The following SMPD4 variants were observed in gnomAD, a reference collection of about 807,000 sequenced individuals.
SMPD4 encodes neutral sphingomyelinase 3.
In SMPD4, 58 loss-of-function variants were observed where a neutral mutation model predicts 97.8. That is an observed-to-expected ratio of 0.59 (90% CI 0.48 to 0.74). The LOEUF (loss-of-function observed/expected upper bound fraction) is 0.74. Among genes scored for constraint, SMPD4 ranks in the 30% least tolerant of loss-of-function variants. SMPD4 has a pLI of 0.00. For synonymous variants in SMPD4, 388 were observed against 450.0 expected (o/e 0.86, Z 1.74); for missense variants, 853 against 1,080.5 (o/e 0.79, Z 2.95).
rs372168903 is a variant in SMPD4 at position 130,153,915 on chromosome 2, G to A, written c.1680C>T (p.Leu560=). ...TGGCTGTGTGTTTGGCCTGTGTGATGAGCTGAGCGAGGCGCAGGACCTGCA... is the reference window on the plus strand; with the variant it reads ...TGGCTGTGTGTTTGGCCTGTGTGATAAGCTGAGCGAGGCGCAGGACCTGCA... The part of the protein sequence containing the change: ...ARTLVLRLAQ[L]ITQAKHTAKS... The change falls in exon 17 of 20, where the codon CTC becomes CTT. Residue 560 remains leucine (L), a synonymous_variant. Coordinates refer to ENST00000680298, the MANE Select transcript of SMPD4 (RefSeq NM_017951.5). The A allele has an allele frequency of 6.2e-6, 10 of 1,613,590 alleles. No homozygotes were observed. The African/African-American group carries it at 9.3e-5, about 15-fold the overall frequency.
At chr2:130,167,675 A>T in intron 8 of SMPD4, 85 bp from the exon 9 acceptor site, 1 of 1,444,468 alleles carries the variant, frequency 6.9e-7, no homozygotes, top group Non-Finnish European at 9.4e-7. Context: ...TGGATATCAA[A>T]ATCAACGAGA....
chr2:130,173,234 G>A (rs759423710), intron 5 of SMPD4, 45 bp downstream of exon 5: 1 of 1,566,896 alleles, frequency 6.4e-7, no homozygotes, highest in Admixed American at 1.7e-5. Flanking sequence ...GGCTGTGCAA[G>A]GCCCACTGCC....
At chr2:130,156,256 C>G in intron 13 of SMPD4, 121 bp from the exon 14 acceptor site, 1 of 852,056 alleles carries the variant, frequency 1.2e-6, no homozygotes, top group Admixed American at 2.4e-5. Context: ...CCAGAGGGCG[C>G]AGGAGAGACA....
chr2:130,165,426 C>CA (rs113282615), intron 9 of SMPD4, among the ~76,000 whole-genome samples: 64,984 of 138,364 alleles, frequency 0.47, 15,107 homozygotes, highest in African/African-American at 0.61. Flanking sequence ...AACTCGGTCT[C>CA]AAAAAAAAAA....
At position 130,153,143 on chromosome 2, in the gene SMPD4, A is replaced by G. The variant is rs1365429728; in HGVS notation, c.2054T>C (p.Ile685Thr). The change falls in exon 19 of 20, where the codon ATT (isoleucine) becomes ACT (threonine). Residue 685 changes from isoleucine (I) to threonine (T), a missense_variant. Transcript: ENST00000680298. ...QIINGLRRFE[I>T]EYQGDPELQP... ...CAGCTCCGGGTCCCCCTGGTACTCAATTTCAAACCTTCGCAGCCCATTGAT... is the reference window on the plus strand; with the variant it reads ...CAGCTCCGGGTCCCCCTGGTACTCAGTTTCAAACCTTCGCAGCCCATTGAT... 4 of 1,613,694 alleles carry G rather than the reference A, an allele frequency of 2.5e-6. No individual in the cohort carries two copies. Among genetic ancestry groups the G allele is most frequent in the Non-Finnish European group, 2.5e-6 (3 of 1,180,000 alleles).
intron 2 of SMPD4, among the ~76,000 whole-genome samples, chr2:130,176,153 A>G (rs891366388): frequency 6.6e-6 from 1 of 152,202 alleles, no homozygotes; most frequent in Non-Finnish European, 1.5e-5. Context: ...TTAAAGTGCA[A>G]CCTAGCAGGC....
intron 11 of SMPD4, chr2:130,157,710 C>T (rs1686958955): frequency 2.4e-6 from 1 of 413,282 alleles, no homozygotes; most frequent in African/African-American, 2.0e-5. Flanking sequence ...TTCTGCACGG[C>T]TGCAAATCCG....
chr2:130,181,753 C>T (rs1171668533), upstream of SMPD4: 1 of 1,548,322 alleles, frequency 6.5e-7, no homozygotes. Context: ...GGGAGTGGTC[C>T]TTAGCTGAAT....
intron 1 of SMPD4, among the ~76,000 whole-genome samples, chr2:130,177,805 T>C (rs1395488234): frequency 1.3e-5 from 2 of 152,192 alleles, no homozygotes; most frequent in African/African-American, 4.8e-5. Flanking sequence ...ACAGCATTTG[T>C]TATATACCAG....
chr2:130,179,898 C>T (rs1297438652), intron 1 of SMPD4, among the ~76,000 whole-genome samples: 2 of 152,094 alleles, frequency 1.3e-5, no homozygotes, highest in East Asian at 3.9e-4. Context: ...CGTGATCAGC[C>T]CTCCTCGGCC....
chr2:130,162,849 A>C (rs978193364), intron 10 of SMPD4, among the ~76,000 whole-genome samples: 1 of 152,214 alleles, frequency 6.6e-6, no homozygotes, highest in Non-Finnish European at 1.5e-5. Flanking sequence ...AGAGTGGAGC[A>C]TCTCTGGGTA....
rs1429523834 is a variant in SMPD4 at position 130,161,177 on chromosome 2, A to C, written c.951+9T>G. 1 of 1,612,286 alleles carries C rather than the reference A, an allele frequency of 6.2e-7. No homozygotes were observed. ...CTGGGCAGGAGGAAGGGAACGAATG[A>C]GCCAGTACTTGGTAGGCGTGGAGGG... On this transcript the variant is annotated intron_variant, in intron 11 of 19. Coordinates refer to ENST00000680298, the MANE Select transcript of SMPD4 (RefSeq NM_017951.5).
At chr2:130,155,675 G>A (rs1020217635) in intron 14 of SMPD4, among the ~76,000 whole-genome samples, 2 of 151,946 alleles carry the variant, frequency 1.3e-5, no homozygotes, top group Non-Finnish European at 2.9e-5. Context: ...CAGGGGATGA[G>A]GGGAAGACAG....
intron 1 of SMPD4, among the ~76,000 whole-genome samples, chr2:130,178,337 A>G (rs536116798): frequency 6.6e-6 from 1 of 152,254 alleles, no homozygotes; most frequent in South Asian, 2.1e-4. Context: ...TAATTCACTT[A>G]CCCCCACCCA....
At chr2:130,168,667 T>C (rs1293863245) in intron 8 of SMPD4, among the ~76,000 whole-genome samples, 1 of 151,968 alleles carries the variant, frequency 6.6e-6, no homozygotes, top group African/African-American at 2.4e-5. Flanking sequence ...GGCTGATGTT[T>C]TTCTTTTTAG....
chr2:130,176,543 T>G lies in SMPD4; in HGVS notation c.39+11A>C. ...GCCACACTGACACTCATGCAAGCAG[T>G]TGATATTTACCAGTAGAAAGCTGGG... On this transcript the variant is annotated intron_variant, in intron 2 of 19. Coordinates refer to ENST00000680298, the MANE Select transcript of SMPD4 (RefSeq NM_017951.5). The G allele has an allele frequency of 6.2e-7, 1 of 1,605,228 alleles. No homozygotes were observed. The highest frequency in any genetic ancestry group is 8.5e-7 in the Non-Finnish European group (1 of 1,175,144).
At chr2:130,181,731 G>T (rs533911400), upstream of SMPD4, 688 of 1,548,836 alleles carry the variant, frequency 4.4e-4, 4 homozygotes, top group Middle Eastern at 4.7e-3. Context: ...GGCGAGGCAG[G>T]AGTGCGGGGG....
chr2:130,156,838 A>T, intron 12 of SMPD4, 163 bp from the exon 13 acceptor site: 1 of 1,541,144 alleles, frequency 6.5e-7, no homozygotes, highest in East Asian at 2.5e-5. Context: ...ATCAAGGTTC[A>T]GAGAGGTTAG....
At chr2:130,181,302 G>A in intron 1 of SMPD4, 4 of 1,413,264 alleles carry the variant, frequency 2.8e-6, no homozygotes, top group Middle Eastern at 2.6e-4. Context: ...CTACCGGACC[G>A]GGACAGAGTG....
Sources: allele counts gnomAD v4.1 joint callset (sites outside exome capture counted in the v4.1 genomes callset), GRCh38; gene constraint gnomAD v4.1.1; transcripts MANE v1.5; gene names NCBI Gene and HGNC (gene_info 2026-07-23, HGNC 2026-07-21).